ANK2: variants seen among roughly 807,000 people sequenced by gnomAD.
The protein encoded by ANK2 is ankyrin-2.
A neutral mutation model predicts 360.5 loss-of-function variants in ANK2; 83 were observed. The ratio of observed to expected loss-of-function variants is 0.23; its 90% CI spans 0.19 to 0.28. The LOEUF (loss-of-function observed/expected upper bound fraction) is 0.28. Ranked by LOEUF, ANK2 falls within the 10% of genes least tolerant of loss-of-function variation. The pLI is 1.00. For missense variants in ANK2, 4,201 were observed against 4,795.7 expected (o/e 0.88, Z 3.66); for synonymous variants, 1,740 against 1,759.5 (o/e 0.99, Z 0.28).
intron 1 of ANK2, among the ~76,000 whole-genome samples, chr4:112,891,234 C>CT (rs1194991834): frequency 6.6e-6 from 1 of 152,116 alleles, no homozygotes; most frequent in Non-Finnish European, 1.5e-5. Flanking sequence ...CCTCATCTTC[C>CT]TTTTTTGTTC....
chr4:112,745,555 CAG>C, the ANK2 span, among the ~76,000 whole-genome samples: 2 of 114,446 alleles, frequency 1.7e-5, no homozygotes, highest in African/African-American at 6.8e-5. Context: ...TTTTTTGAGA[CAG>C]AGTTTCGCTC....
At chr4:113,275,808 A>G (rs1395878041) in intron 15 of ANK2, among the ~76,000 whole-genome samples, 1 of 152,134 alleles carries the variant, frequency 6.6e-6, no homozygotes, top group African/African-American at 2.4e-5. Flanking sequence ...ATCAAAATTA[A>G]GATACATAAA....
At chr4:112,974,836 G>C (rs1006775116) in intron 2 of ANK2, among the ~76,000 whole-genome samples, 3 of 148,188 alleles carry the variant, frequency 2.0e-5, no homozygotes, top group African/African-American at 7.5e-5. Flanking sequence ...CCTGGTAAAA[G>C]TATAGAAAAA....
intron 1 of ANK2, among the ~76,000 whole-genome samples, chr4:113,091,074 T>C (rs752133494): frequency 6.6e-6 from 1 of 152,228 alleles, no homozygotes; most frequent in Non-Finnish European, 1.5e-5. Flanking sequence ...GAATTCCATA[T>C]GCCACCTGAT....
chr4:113,258,245 T>C (rs189573164), intron 12 of ANK2, 68 bp from the exon 13 acceptor site: 60 of 1,583,528 alleles, frequency 3.8e-5, no homozygotes, highest in Admixed American at 1.0e-4. Context: ...TCAAGTTTTA[T>C]TTATCTGAAG....
At chr4:112,814,967 C>A (rs967547971), upstream of ANK2, among the ~76,000 whole-genome samples, 15 of 151,416 alleles carry the variant, frequency 9.9e-5, no homozygotes, top group Non-Finnish European at 2.1e-4. Context: ...TTAATTTTAG[C>A]TAGAGAGATC....
intron 2 of ANK2, among the ~76,000 whole-genome samples, chr4:113,016,719 A>C (rs2154295264): frequency 6.6e-6 from 1 of 152,322 alleles, no homozygotes; most frequent in Non-Finnish European, 1.5e-5. Flanking sequence ...AGGGAAATGA[A>C]TCCAAGGCAG....
intron 1 of ANK2, among the ~76,000 whole-genome samples, chr4:112,848,622 G>C (rs867496758): frequency 6.6e-6 from 1 of 152,010 alleles, no homozygotes; most frequent in African/African-American, 2.4e-5. Flanking sequence ...TGTTTTTATA[G>C]CATTTTATAA....
intron 1 of ANK2, among the ~76,000 whole-genome samples, chr4:113,107,480 G>T (rs1046267606): frequency 3.3e-5 from 5 of 152,170 alleles, no homozygotes; most frequent in Admixed American, 2.6e-4. Context: ...GCCTCCCAAA[G>T]TGCTGGGATT....
At chr4:113,179,272 T>C (rs191282410) in intron 2 of ANK2, among the ~76,000 whole-genome samples, 1 of 152,214 alleles carries the variant, frequency 6.6e-6, no homozygotes, top group South Asian at 2.1e-4. Flanking sequence ...ATATGTAATG[T>C]AGAAACCAGG....
In ANK2 at chr4:113,367,778, G is replaced by T; in HGVS notation, c.11245G>T (p.Val3749Phe). The change falls in exon 42 of 46, where the codon GTT becomes TTT. Residue 3749 changes from valine to phenylalanine, a missense_variant. Physicochemically the swap from Val to Phe is conservative, Grantham distance 50. Around this residue, in one of 4 missense-constraint regions of ANK2, gnomAD observed 2,642 missense variants for 2,714.5 expected, o/e 0.97. Transcript: ENST00000357077. ...ALFPQTHKEQ[V>F]QQDFSGKMQD... The stretch of plus-strand genomic sequence containing the variant: ...CTTTCCCCAAACTCACAAGGAGCAA[G>T]TTCAACAGGATTTCTCAGGGAAAAT... 1 of 1,614,096 alleles carries T rather than the reference G, an allele frequency of 6.2e-7. No individual in the cohort carries two copies. Among genetic ancestry groups the T allele is most frequent in the Non-Finnish European group, 8.5e-7 (1 of 1,180,000 alleles).
chr4:113,181,447 A>G (rs2098411871), intron 2 of ANK2, among the ~76,000 whole-genome samples: 2 of 152,116 alleles, frequency 1.3e-5, no homozygotes, highest in East Asian at 3.9e-4. Context: ...CTACTTACTC[A>G]AACATGTATT....
intron 2 of ANK2, among the ~76,000 whole-genome samples, chr4:113,002,333 C>T (rs530795901): frequency 9.9e-5 from 15 of 152,262 alleles, no homozygotes; most frequent in Admixed American, 8.5e-4. Context: ...CAATGGTAGA[C>T]TGGATTAAGA....
At chr4:112,904,412 A>G in intron 1 of ANK2, 1 of 1,142,336 alleles carries the variant, frequency 8.8e-7, no homozygotes, top group Non-Finnish European at 1.2e-6. Flanking sequence ...ATAAATTGAA[A>G]TGATTTCAAA....
chr4:112,923,086 T>C (rs1407361402), intron 2 of ANK2, among the ~76,000 whole-genome samples: 5 of 152,202 alleles, frequency 3.3e-5, no homozygotes. Flanking sequence ...TCAATCAGCA[T>C]ACCGTAGTGG....
At chr4:112,933,650 TC>T (rs1561163908) in intron 2 of ANK2, among the ~76,000 whole-genome samples, 1 of 151,316 alleles carries the variant, frequency 6.6e-6, no homozygotes, top group Non-Finnish European at 1.5e-5. Flanking sequence ...ACAGGCATGC[TC>T]CACCAAGCCC....
intron 4 of ANK2, among the ~76,000 whole-genome samples, chr4:113,230,592 G>A (rs780939343): frequency 1.1e-4 from 17 of 152,000 alleles, no homozygotes; most frequent in Non-Finnish European, 1.9e-4. Flanking sequence ...ACTTATTCTC[G>A]TTAATGCATG....
At chr4:112,707,948 T>G in the ANK2 span, among the ~76,000 whole-genome samples, 3 of 152,212 alleles carry the variant, frequency 2.0e-5, no homozygotes, top group Admixed American at 6.5e-5. Flanking sequence ...CAGGCTTTCA[T>G]TTATATGACC....
In ANK2 at chr4:113,117,483, C is replaced by T. The variant is rs561376782; in HGVS notation, c.85-56933C>T. The T allele has an allele frequency of 2.1e-4, 93 of 444,264 alleles. 1 individual carries two copies. The highest frequency in any genetic ancestry group is 1.7e-3 in the African/African-American group (83 of 49,516). 27.5% of individuals were successfully genotyped at this position (444,264 alleles called of 1,614,324 possible). ...CTGTGTAGCACCATCAGCCTCAGAA[C>T]TGGCAACTTCATCCTCCCTTCCTTC... On this transcript the variant is annotated intron_variant, in intron 1 of 45. Coordinates refer to ENST00000357077, the MANE Select transcript of ANK2 (RefSeq NM_001148.6).
Sources: gnomAD v4.1 joint callset for allele counts (sites outside exome capture counted in the v4.1 genomes callset) on GRCh38, gnomAD v4.1.1 for gene constraint, gnomAD v4.1.1 regional missense constraint, MANE v1.5 for transcripts, NCBI Gene and HGNC (gene_info 2026-07-23, HGNC 2026-07-21) for gene names.